Variants in RRBP1 observed in about 807,000 individuals in gnomAD.
The protein encoded by RRBP1 is ribosome binding protein 1, also known as ribosome-binding protein 1.
A neutral mutation model predicts 165.2 loss-of-function variants in RRBP1; 94 were observed. The ratio of observed to expected loss-of-function variants is 0.57; its 90% CI spans 0.48 to 0.68. The LOEUF is 0.68. RRBP1 is among the 30% of genes least tolerant of loss of function. The pLI is 0.00. For synonymous variants in RRBP1, 680 were observed against 714.5 expected, an observed-to-expected ratio of 0.95 and a Z score of 0.77; for missense variants, 1,676 against 1,763.0, an observed-to-expected ratio of 0.95 and a Z score of 0.88.
At position 17,642,559 on chromosome 20, in the gene RRBP1, T is replaced by G. The variant is rs548244104; in HGVS notation, c.2061+420A>C. ...ACGCAGCACTTCTTGGGCACAGCTC[T>G]TGGCCAGAGGCACGAGATAGCTCAG... On this transcript the variant is annotated intron_variant, in intron 4 of 24. Coordinates refer to ENST00000377813, the MANE Select transcript of RRBP1 (RefSeq NM_001365613.2). Among the ~76,000 whole-genome samples the G allele has an allele frequency of 3.9e-5, 6 of 152,320 alleles. No homozygotes were observed. The East Asian group carries it at 1.2e-3, about 29-fold the overall frequency.
chr20:17,646,004 T>C (rs2036456124), intron 3 of RRBP1, among the ~76,000 whole-genome samples: 1 of 152,128 alleles, frequency 6.6e-6, no homozygotes, highest in African/African-American at 2.4e-5. Flanking sequence ...CGCAGGCCAG[T>C]GTCTCACTTT....
At chr20:17,658,404 C>T (rs192704055) in intron 3 of RRBP1, among the ~76,000 whole-genome samples, 192 bp downstream of exon 3, 1 of 152,352 alleles carries the variant, frequency 6.6e-6, no homozygotes, top group East Asian at 1.9e-4. Flanking sequence ...AAGCTCACAT[C>T]TGCCAACCTC....
chr20:17,621,936 C>T lies in RRBP1; in HGVS notation c.3159G>A (p.Glu1053=). 1 of 1,612,840 alleles carries T rather than the reference C, an allele frequency of 6.2e-7. No homozygotes were observed. Among genetic ancestry groups the T allele is most frequent in the Non-Finnish European group, 8.5e-7 (1 of 1,179,408 alleles). ...GCGCCTCAATCAGACAGAGCTGCTTCTCCGATTCCTCCTGGGGGGTGGGTG... is the reference window on the plus strand; with the variant it reads ...GCGCCTCAATCAGACAGAGCTGCTTTTCCGATTCCTCCTGGGGGGTGGGTG... ...LSLTQAKEES[E]KQLCLIEAQT... is the part of the protein sequence containing the mutation. The change falls in exon 14 of 25, where the codon GAG becomes GAA. Residue 1053 remains glutamate, a synonymous_variant. Coordinates refer to ENST00000377813, the MANE Select transcript of RRBP1 (RefSeq NM_001365613.2).
At chr20:17,657,772 A>G (rs1366088669) in intron 3 of RRBP1, among the ~76,000 whole-genome samples, 2 of 152,220 alleles carry the variant, frequency 1.3e-5, no homozygotes, top group Non-Finnish European at 1.5e-5. Context: ...ATATATATCT[A>G]TGTAATCCAG....
At position 17,621,526 on chromosome 20, in the gene RRBP1, CCCTCAACTT is replaced by C; in HGVS notation, c.3337_3345del (p.Lys1113_Arg1115del). 6.2e-7 allele frequency: 1 copy of C among 1,612,886 alleles called. No homozygotes were observed. Among genetic ancestry groups the C allele is most frequent in the Non-Finnish European group, 8.5e-7 (1 of 1,179,916 alleles). ...AGTGTGCTCTGCGTCTCCTCGGCCT[CCCTCAACTT>C]GGAGGCCAGGTCCTGAGAGAGGGAA... On this transcript the variant is annotated inframe_deletion, in exon 16 of 25. Coordinates refer to ENST00000377813, the MANE Select transcript of RRBP1 (RefSeq NM_001365613.2).
intron 23 of RRBP1, 48 bp downstream of exon 23, chr20:17,615,383 C>G (rs1263513593): frequency 3.4e-6 from 5 of 1,477,210 alleles, no homozygotes; most frequent in Non-Finnish European, 4.6e-6. Flanking sequence ...TGGCGCCAGC[C>G]CCAGAGCAGA....
At chr20:17,618,337 T>C (rs2035840520) in intron 20 of RRBP1, among the ~76,000 whole-genome samples, 1 of 152,070 alleles carries the variant, frequency 6.6e-6, no homozygotes, top group Non-Finnish European at 1.5e-5. Context: ...CTCACTACCT[T>C]GAACAGGGGA....
chr20:17,620,615 G>A lies in RRBP1; in HGVS notation c.3507+100C>T, dbSNP rs775361478. The A allele has an allele frequency of 1.2e-5, 11 of 941,844 alleles. No homozygotes were observed. The East Asian group carries it at 1.3e-4, about 11-fold the overall frequency. 58.3% of individuals were successfully genotyped at this position (941,844 alleles called of 1,614,324 possible). A position where few individuals can be genotyped will look rare whatever the true frequency, so the allele number is the denominator to read the frequency against. On this transcript the variant is annotated intron_variant, in intron 17 of 24. Transcript: ENST00000377813. ...TAGGGTGTCGTGGAAAAGCCCCACC[G>A]AGACACACGAGTCTCACAGGTGACA...
rs771375194 is a variant in RRBP1, at chr20:17,614,733, G to T, written c.4194+4C>A. ...CCCGCCCTGCTTTGGCGCCAGGCAC[G>T]CACTGCCTTTTCCAGCTGTTCCTGC... is the stretch of plus-strand genomic sequence containing the variant. On this transcript the variant is annotated splice_donor_region_variant and intron_variant, in intron 24 of 24. Coordinates refer to ENST00000377813, the MANE Select transcript of RRBP1 (RefSeq NM_001365613.2). 1 of 1,611,186 alleles carries T rather than the reference G, an allele frequency of 6.2e-7. No homozygotes were observed.
intron 3 of RRBP1, among the ~76,000 whole-genome samples, chr20:17,654,118 A>G (rs544705956): frequency 6.6e-6 from 1 of 152,344 alleles, no homozygotes; most frequent in South Asian, 2.1e-4. Flanking sequence ...CTACCCGCTC[A>G]GACTGGTGTG....
At chr20:17,661,202 T>C (rs2036760061) in intron 2 of RRBP1, among the ~76,000 whole-genome samples, 1 of 152,218 alleles carries the variant, frequency 6.6e-6, no homozygotes, top group Non-Finnish European at 1.5e-5. Flanking sequence ...CAATAAATGC[T>C]GCTACCCAGG....
Position 17,648,674 on chromosome 20 carries a change from T to A in RRBP1, c.1913-5547A>T, listed in dbSNP as rs370218250. On this transcript the variant is annotated intron_variant, in intron 3 of 24. Coordinates refer to ENST00000377813, the MANE Select transcript of RRBP1 (RefSeq NM_001365613.2). ...GACTGGTATATTTAATGGTATCTAA[T>A]GGAATTTAAAATATCCTATAGATTG... Among the ~76,000 whole-genome samples the A allele has an allele frequency of 3.7e-4, 57 of 152,374 alleles. No homozygotes were observed. In the East Asian group the frequency reaches 0.01, roughly 27 times the overall value.
rs1332244383 is a variant in RRBP1 at position 17,622,635 on chromosome 20, C to T, written c.3148-688G>A. On this transcript the variant is annotated intron_variant, in intron 13 of 24. Coordinates refer to ENST00000377813, the MANE Select transcript of RRBP1 (RefSeq NM_001365613.2). ...TCCTCAACGAAGAGCCAGCGGCCCC[C>T]ATTCAAAGCACAACAAAGATAAGGA... Among the ~76,000 whole-genome samples, 7 of 152,186 alleles carry T rather than the reference C, an allele frequency of 4.6e-5. No individual in the cohort carries two copies. The South Asian group carries it at 1.5e-3, about 32-fold the overall frequency.
At chr20:17,631,125 G>C (rs1029679364) in intron 8 of RRBP1, among the ~76,000 whole-genome samples, 1 of 152,234 alleles carries the variant, frequency 6.6e-6, no homozygotes, top group African/African-American at 2.4e-5. Flanking sequence ...AACTCCTAGG[G>C]AGGAAATGAA....
At chr20:17,663,162 T>C (rs998089364) in intron 2 of RRBP1, among the ~76,000 whole-genome samples, 5 of 152,192 alleles carry the variant, frequency 3.3e-5, no homozygotes, top group African/African-American at 1.2e-4. Context: ...CGAGTCGCGA[T>C]TGGCACTGGT....
intron 2 of RRBP1, among the ~76,000 whole-genome samples, chr20:17,666,990 A>G (rs2122481272): frequency 6.6e-6 from 1 of 152,352 alleles, no homozygotes; most frequent in African/African-American, 2.4e-5. Context: ...ATTCTTTTCT[A>G]ACACATCACT....
chr20:17,614,446 T>C (rs1568747705), intron 24 of RRBP1, among the ~76,000 whole-genome samples: 1 of 151,882 alleles, frequency 6.6e-6, no homozygotes, highest in Non-Finnish European at 1.5e-5. Context: ...GAGCACTGGC[T>C]AAGGGGCCCA....
chr20:17,680,995 C>G (rs1369939678), intron 1 of RRBP1, among the ~76,000 whole-genome samples: 1 of 152,114 alleles, frequency 6.6e-6, no homozygotes, highest in Non-Finnish European at 1.5e-5. Context: ...AAACTCGCGA[C>G]TTATCATTCG....
At chr20:17,627,464 A>G (rs1275992591) in intron 10 of RRBP1, 40 bp downstream of exon 10, 2 of 1,606,894 alleles carry the variant, frequency 1.2e-6, no homozygotes, top group Non-Finnish European at 1.7e-6. Flanking sequence ...TGCTAGATGG[A>G]GTTCCCTTTC....
Sources: gnomAD v4.1 joint callset for allele counts (sites outside exome capture counted in the v4.1 genomes callset) on GRCh38, gnomAD v4.1.1 for gene constraint, MANE v1.5 for transcripts, NCBI Gene and HGNC (gene_info 2026-07-23, HGNC 2026-07-21) for gene names.